FREM2: variants seen among roughly 807,000 people sequenced by gnomAD.
FREM2 encodes FRAS1 related extracellular matrix 2.
In FREM2, 119 loss-of-function variants were observed where a neutral mutation model predicts 219.9. That is an observed-to-expected ratio of 0.54 (90% CI 0.47 to 0.63). The LOEUF (loss-of-function observed/expected upper bound fraction) is 0.63. FREM2 is among the 30% of genes least tolerant of loss of function. The probability of loss-of-function intolerance (pLI) is 0.00; values close to 1 mark genes in which losing one functional copy is unlikely to be tolerated. For missense variants in FREM2, 4,030 were observed against 3,993.6 expected, an observed-to-expected ratio of 1.01 and a Z score of -0.25; for synonymous variants, 1,562 against 1,522.8, an observed-to-expected ratio of 1.03 and a Z score of -0.60.
At position 38,687,836 on chromosome 13, in the gene FREM2, A is replaced by G. The variant is rs756201631; in HGVS notation, c.492A>G (p.Val164=). The G allele has an allele frequency of 5.8e-6, 9 of 1,555,082 alleles. No homozygotes were observed. In the Admixed American group the frequency reaches 1.5e-4, roughly 25 times the overall value. The change falls in exon 1 of 24, where the codon GTA becomes GTG. Residue 164 remains valine (V), a synonymous_variant. Transcript: ENST00000280481. ...QLRYDAPGGA[V]VLPLVLEVEV... ...GCTATGACGCGCCCGGAGGGGCAGT[A>G]GTGCTACCACTGGTACTGGAGGTGG... is the stretch of plus-strand genomic sequence containing the variant.
At chr13:38,718,374 C>T (rs1325467417) in intron 2 of FREM2, among the ~76,000 whole-genome samples, 1 of 152,170 alleles carries the variant, frequency 6.6e-6, no homozygotes, top group Non-Finnish European at 1.5e-5. Flanking sequence ...TTTGCCTTCT[C>T]CTACTGTGAA....
At chr13:38,815,894 C>T (rs1315078473) in intron 6 of FREM2, among the ~76,000 whole-genome samples, 1 of 152,208 alleles carries the variant, frequency 6.6e-6, no homozygotes. Flanking sequence ...AACCCAAACA[C>T]TTCCCATAGA....
chr13:38,807,189 T>TATATATACATATATA (rs1555268805), intron 6 of FREM2, among the ~76,000 whole-genome samples: 1 of 45,378 alleles, frequency 2.2e-5, no homozygotes, highest in Admixed American at 3.8e-4. Context: ...CTTGTCTCTG[T>TATATATACATATATA]TATATATATA....
intron 2 of FREM2, among the ~76,000 whole-genome samples, chr13:38,753,419 C>T (rs1432212496): frequency 6.6e-6 from 1 of 152,130 alleles, no homozygotes; most frequent in Non-Finnish European, 1.5e-5. Context: ...TTATTCACAT[C>T]CCACCCTTTC....
At chr13:38,741,903 G>C (rs1316180307) in intron 2 of FREM2, among the ~76,000 whole-genome samples, 1 of 152,054 alleles carries the variant, frequency 6.6e-6, no homozygotes, top group African/African-American at 2.4e-5. Context: ...AGACACTGAG[G>C]CTTTTCTATG....
chr13:38,854,117 CA>C (rs34001823), intron 11 of FREM2, among the ~76,000 whole-genome samples: 63 of 117,662 alleles, frequency 5.4e-4, no homozygotes, highest in East Asian at 1.9e-3. Flanking sequence ...GAGTTCTTTG[CA>C]AAAAAAAAAA....
chr13:38,884,673 C>A lies in FREM2; in HGVS notation c.*3886C>A, dbSNP rs1878667739. 6.6e-6 allele frequency: 1 copy of A among 152,068 alleles called. No individual in the cohort carries two copies. The highest frequency in any genetic ancestry group is 1.5e-5 in the Non-Finnish European group (1 of 68,016). The allele number at this position is 152,068 out of a possible 1,614,324, so 9.4% of individuals were successfully genotyped here. Reference sequence around the variant, plus strand: ...CAAGTGTCTTCACTAAGCGTATGGCCAATAAATGGGACCCAAACGTTCAAT... The same window carrying A: ...CAAGTGTCTTCACTAAGCGTATGGCAAATAAATGGGACCCAAACGTTCAAT... On this transcript the variant is annotated 3_prime_UTR_variant, in exon 24 of 24. Transcript: ENST00000280481.
At chr13:38,724,164 T>G (rs1478267608) in intron 2 of FREM2, among the ~76,000 whole-genome samples, 1 of 152,096 alleles carries the variant, frequency 6.6e-6, no homozygotes, top group Non-Finnish European at 1.5e-5. Flanking sequence ...CTAAAACTAG[T>G]TGGGGATGGC....
intron 2 of FREM2, among the ~76,000 whole-genome samples, chr13:38,757,467 C>T (rs980749352): frequency 6.6e-6 from 1 of 152,166 alleles, no homozygotes; most frequent in East Asian, 1.9e-4. Context: ...TGTGCTTGTA[C>T]ATGGCTATCC....
Position 38,881,506 on chromosome 13 carries a change from C to A in FREM2, c.*719C>A, listed in dbSNP as rs1356951677. ...AAAGAGATTTTTAAGAGATGCTGCT[C>A]TGTTTTGGCATATAGTGAGTAATGG... On this transcript the variant is annotated 3_prime_UTR_variant, in exon 24 of 24. Transcript: ENST00000280481. The A allele has an allele frequency of 6.5e-6, 1 of 154,686 alleles. No individual in the cohort carries two copies. The highest frequency in any genetic ancestry group is 1.4e-5 in the Non-Finnish European group (1 of 69,484). 9.6% of individuals were successfully genotyped at this position (154,686 alleles called of 1,614,324 possible). A position where few individuals can be genotyped will look rare whatever the true frequency, so the allele number is the denominator to read the frequency against.
At chr13:38,740,672 TG>T (rs1365230809) in intron 2 of FREM2, among the ~76,000 whole-genome samples, 1 of 152,220 alleles carries the variant, frequency 6.6e-6, no homozygotes, top group Admixed American at 6.5e-5. Context: ...CTATTGGCCC[TG>T]TGGGCATCAA....
rs576483210 is a variant in FREM2 at position 38,885,399 on chromosome 13, C to T, written c.*4612C>T. ...TTCAAGCACATTTAATTTCTTTCCC[C>T]TGGTATTTGTTTGCTTTGTGTTTTT... On this transcript the variant is annotated 3_prime_UTR_variant, in exon 24 of 24. Coordinates refer to ENST00000280481, the MANE Select transcript of FREM2 (RefSeq NM_207361.6). 1 of 152,296 alleles carries T rather than the reference C, an allele frequency of 6.6e-6. No homozygotes were observed. The highest frequency in any genetic ancestry group is 2.4e-5 in the African/African-American group (1 of 41,584). The allele number at this position is 152,296 out of a possible 1,614,324, so 9.4% of individuals were successfully genotyped here.
chr13:38,741,731 A>T (rs1275490250), intron 2 of FREM2, among the ~76,000 whole-genome samples: 1 of 152,200 alleles, frequency 6.6e-6, no homozygotes, highest in Non-Finnish European at 1.5e-5. Flanking sequence ...AGCTGTGCTC[A>T]TCAGTCATAG....
At chr13:38,779,522 C>G (rs1389510035) in intron 4 of FREM2, 1 of 152,184 alleles carries the variant, frequency 6.6e-6, no homozygotes, top group African/African-American at 2.4e-5. Flanking sequence ...TTTTTGCTGC[C>G]TGAGTGATGG....
At chr13:38,697,635 A>G in intron 1 of FREM2, 63 bp from the exon 2 acceptor site, 1 of 945,658 alleles carries the variant, frequency 1.1e-6, no homozygotes, top group South Asian at 1.3e-5. Flanking sequence ...AATAAAATTT[A>G]CCATAATGAA....
Position 38,885,357 on chromosome 13 carries a change from A to G in FREM2, c.*4570A>G, listed in dbSNP as rs535067687. The G allele has an allele frequency of 7.2e-5, 11 of 152,144 alleles. No individual in the cohort carries two copies. The highest frequency in any genetic ancestry group is 3.3e-4 in the Admixed American group (5 of 15,270). 9.4% of individuals were successfully genotyped at this position (152,144 alleles called of 1,614,324 possible). A position where few individuals can be genotyped will look rare whatever the true frequency, so the allele number is the denominator to read the frequency against. Reference sequence around the variant, plus strand: ...AGTAATAGCTCCTTAGACACTCAGTATCTTTCTTCCCTATCTTTCAAGCAC... The same window carrying G: ...AGTAATAGCTCCTTAGACACTCAGTGTCTTTCTTCCCTATCTTTCAAGCAC... On this transcript the variant is annotated 3_prime_UTR_variant, in exon 24 of 24. Transcript: ENST00000280481.
intron 17 of FREM2, among the ~76,000 whole-genome samples, chr13:38,874,146 C>T (rs1024605443): frequency 5.3e-5 from 8 of 152,144 alleles, no homozygotes; most frequent in African/African-American, 1.2e-4. Context: ...TTTACATGTC[C>T]GAATCTCCAT....
intron 6 of FREM2, among the ~76,000 whole-genome samples, chr13:38,824,469 C>T (rs1409437355): frequency 1.3e-5 from 2 of 152,110 alleles, no homozygotes; most frequent in African/African-American, 2.4e-5. Flanking sequence ...GACACGAGGT[C>T]AGCCACACCA....
Position 38,690,906 on chromosome 13 carries a change from G to A in FREM2, c.3562G>A (p.Asp1188Asn). Residue 1188 changes from aspartate to asparagine, a missense_variant, in exon 1 of 24, where the codon GAT becomes AAT. Transcript: ENST00000280481. ...FFPIVIIPTN[D>N]EQPEMFMREF... is the part of the protein sequence containing the mutation. Reference sequence around the variant, plus strand: ...CCCCATTGTAATCATTCCCACCAATGATGAACAGCCAGAGATGTTTATGAG... The same window carrying A: ...CCCCATTGTAATCATTCCCACCAATAATGAACAGCCAGAGATGTTTATGAG... 3.7e-6 allele frequency: 6 copies of A among 1,614,152 alleles called. No individual in the cohort carries two copies. The highest frequency in any genetic ancestry group is 5.1e-6 in the Non-Finnish European group (6 of 1,180,004).
Sources: allele counts gnomAD v4.1 joint callset (sites outside exome capture counted in the v4.1 genomes callset), GRCh38; gene constraint gnomAD v4.1.1; transcripts MANE v1.5; gene names NCBI Gene and HGNC (gene_info 2026-07-23, HGNC 2026-07-21).